Variants in PIP4K2A observed in about 807,000 individuals in gnomAD.
PIP4K2A encodes the protein phosphatidylinositol-5-phosphate 4-kinase type 2 alpha.
Under a neutral mutation model 42.9 loss-of-function variants are expected in PIP4K2A, and 14 were observed. That is an observed-to-expected ratio of 0.33 (90% CI 0.22 to 0.51). The LOEUF is 0.51. Among genes scored for constraint, PIP4K2A ranks in the 20% least tolerant of loss-of-function variants. The probability of loss-of-function intolerance (pLI) is 0.97; values close to 1 mark genes in which losing one functional copy is unlikely to be tolerated. For synonymous variants in PIP4K2A, 192 were observed against 192.2 expected (o/e 1.00, Z 0.01); for missense variants, 434 against 519.8 (o/e 0.83, Z 1.61).
At chr10:22,671,640 G>T (rs912255882) in intron 1 of PIP4K2A, among the ~76,000 whole-genome samples, 1 of 151,918 alleles carries the variant, frequency 6.6e-6, no homozygotes, top group Non-Finnish European at 1.5e-5. Context: ...CAGATCTAGG[G>T]GGCCCTCTCA....
chr10:22,537,903 G>A (rs982464837), intron 9 of PIP4K2A, among the ~76,000 whole-genome samples: 3 of 152,194 alleles, frequency 2.0e-5, no homozygotes, highest in Admixed American at 1.3e-4. Flanking sequence ...GGAAGGAGCT[G>A]ACTTCCCTCT....
At position 22,568,214 on chromosome 10, in the gene PIP4K2A, T is replaced by C. The variant is rs1324157631; in HGVS notation, c.640-325A>G. 2.0e-5 allele frequency among the ~76,000 whole-genome samples: 3 copies of C among 152,356 alleles called. No homozygotes were observed. In the South Asian group the frequency reaches 6.2e-4, roughly 32 times the overall value. On this transcript the variant is annotated intron_variant, in intron 5 of 9. Coordinates refer to ENST00000376573, the MANE Select transcript of PIP4K2A (RefSeq NM_005028.5). ...ACTTGAGCAGTAACTTACTCAACACTGGATCAGCCCCACACTTTACTCCTT... is the reference window on the plus strand; with the variant it reads ...ACTTGAGCAGTAACTTACTCAACACCGGATCAGCCCCACACTTTACTCCTT...
At chr10:22,677,140 T>G (rs571080734) in intron 1 of PIP4K2A, among the ~76,000 whole-genome samples, 2 of 152,206 alleles carry the variant, frequency 1.3e-5, no homozygotes, top group Non-Finnish European at 2.9e-5. Flanking sequence ...ATGTTTTGCA[T>G]GTACATGTTT....
At chr10:22,697,852 T>C (rs1480851068) in intron 1 of PIP4K2A, among the ~76,000 whole-genome samples, 4 of 152,326 alleles carry the variant, frequency 2.6e-5, no homozygotes, top group Middle Eastern at 3.4e-3. Flanking sequence ...GAATCGTCCA[T>C]AGGTCGAGTC....
At chr10:22,615,319 G>T (rs968793538) in intron 1 of PIP4K2A, among the ~76,000 whole-genome samples, 3 of 152,110 alleles carry the variant, frequency 2.0e-5, no homozygotes, top group African/African-American at 7.2e-5. Context: ...TGTTGCCTGG[G>T]CTCAACAGAT....
intron 1 of PIP4K2A, among the ~76,000 whole-genome samples, chr10:22,620,958 G>A (rs1021791087): frequency 3.9e-5 from 6 of 152,230 alleles, no homozygotes; most frequent in African/African-American, 1.2e-4. Context: ...AAAAGCCACA[G>A]CTCCAATATT....
At chr10:22,677,282 A>T (rs1403465004) in intron 1 of PIP4K2A, among the ~76,000 whole-genome samples, 1 of 152,168 alleles carries the variant, frequency 6.6e-6, no homozygotes, top group East Asian at 1.9e-4. Flanking sequence ...CTGTATTATC[A>T]TAGGGAATCA....
At chr10:22,547,429 T>G (rs1047095508) in intron 7 of PIP4K2A, among the ~76,000 whole-genome samples, 1 of 152,198 alleles carries the variant, frequency 6.6e-6, no homozygotes, top group African/African-American at 2.4e-5. Flanking sequence ...ACATAGGGTC[T>G]CTGGGCTCGG....
At chr10:22,702,611 C>T (rs1056040209) in intron 1 of PIP4K2A, among the ~76,000 whole-genome samples, 1 of 152,186 alleles carries the variant, frequency 6.6e-6, no homozygotes, top group African/African-American at 2.4e-5. Flanking sequence ...TTGCAGTTAC[C>T]CCATACCTCT....
At chr10:22,548,952 G>C (rs954612488) in intron 7 of PIP4K2A, among the ~76,000 whole-genome samples, 6 of 152,272 alleles carry the variant, frequency 3.9e-5, no homozygotes, top group Admixed American at 3.9e-4. Context: ...TACTATGGAG[G>C]CTGAGGCGGG....
rs1463285789 is a variant in PIP4K2A, at chr10:22,664,206, T to TATATATAC, written c.144+49976_144+49977insGTATATAT. 4.4e-3 allele frequency among the ~76,000 whole-genome samples: 200 copies of TATATATAC among 45,910 alleles called. 2 individuals carry two copies. The highest frequency in any genetic ancestry group is 5.4e-3 in the Non-Finnish European group (146 of 27,012). 30.1% of individuals were successfully genotyped at this position (45,910 alleles called of 152,430 possible). ...ACATATATATACATATATATATACATATATATATATACATATATATATACA... is the reference window on the plus strand; with the variant it reads ...ACATATATATACATATATATATACATATATATACATATATATATACATATATATATACA... On this transcript the variant is annotated intron_variant, in intron 1 of 9. Transcript: ENST00000376573.
intron 6 of PIP4K2A, among the ~76,000 whole-genome samples, chr10:22,554,544 A>G (rs1046798891): frequency 2.6e-5 from 4 of 152,382 alleles, no homozygotes; most frequent in African/African-American, 9.6e-5. Flanking sequence ...AGAAACAGCC[A>G]GAGGGTGGAA....
intron 1 of PIP4K2A, among the ~76,000 whole-genome samples, chr10:22,630,339 GATCACCATAACAGTTTA>G (rs147824213): frequency 0.11 from 16,244 of 152,076 alleles, 2,457 homozygotes; most frequent in African/African-American, 0.34. Flanking sequence ...TGTCCCTGAT[GATCACCATAACAGTTTA>G]ATCATGTGGT....
chr10:22,704,624 C>G (rs1038273429), intron 1 of PIP4K2A, among the ~76,000 whole-genome samples: 1 of 146,524 alleles, frequency 6.8e-6, no homozygotes, highest in Admixed American at 6.8e-5. Flanking sequence ...TGCACTCCAG[C>G]CCAGGCCAAA....
At chr10:22,693,283 AT>A (rs144224297) in intron 1 of PIP4K2A, among the ~76,000 whole-genome samples, 301 of 148,814 alleles carry the variant, frequency 2.0e-3, no homozygotes, top group African/African-American at 6.2e-3. Flanking sequence ...TTACAACTTC[AT>A]TTTTTTTTTA....
At chr10:22,573,991 G>A (rs1837051198) in intron 4 of PIP4K2A, among the ~76,000 whole-genome samples, 1 of 152,258 alleles carries the variant, frequency 6.6e-6, no homozygotes, top group South Asian at 2.1e-4. Context: ...TGTGACCATA[G>A]CACCCTCGCT....
intron 4 of PIP4K2A, among the ~76,000 whole-genome samples, chr10:22,589,596 G>C (rs890209686): frequency 6.6e-6 from 1 of 152,182 alleles, no homozygotes; most frequent in South Asian, 2.1e-4. Flanking sequence ...AAATGCAATT[G>C]ATCATATTTG....
At chr10:22,664,182 C>CATATATATATACAT (rs1266883536) in intron 1 of PIP4K2A, among the ~76,000 whole-genome samples, 3 of 43,504 alleles carry the variant, frequency 6.9e-5, no homozygotes, top group East Asian at 4.6e-4. Flanking sequence ...TATATATATA[C>CATATATATATACAT]ATATATATAC....
intron 3 of PIP4K2A, among the ~76,000 whole-genome samples, chr10:22,592,087 C>G (rs1484420703): frequency 5.3e-5 from 8 of 152,168 alleles, no homozygotes; most frequent in Non-Finnish European, 8.8e-5. Context: ...GACAAGCTCT[C>G]AAAGTTTTCT....
Sources: allele counts gnomAD v4.1 joint callset (sites outside exome capture counted in the v4.1 genomes callset), GRCh38; gene constraint gnomAD v4.1.1; transcripts MANE v1.5; gene names NCBI Gene and HGNC (gene_info 2026-07-23, HGNC 2026-07-21).